CDH11: variants seen among roughly 807,000 people sequenced by gnomAD.
CDH11 encodes cadherin 11.
In CDH11, 11 loss-of-function variants were observed where a neutral mutation model predicts 67.8. That is an observed-to-expected ratio of 0.16 (90% CI 0.10 to 0.27). The LOEUF is 0.27. Among genes scored for constraint, CDH11 ranks in the 10% least tolerant of loss-of-function variants. CDH11 has a pLI of 1.00. For missense variants in CDH11, 847 were observed against 1,031.2 expected (o/e 0.82, Z 2.45); for synonymous variants, 419 against 400.0 (o/e 1.05, Z -0.57).
At chr16:64,989,022 T>A (rs1181627989) in intron 6 of CDH11, among the ~76,000 whole-genome samples, 1 of 152,182 alleles carries the variant, frequency 6.6e-6, no homozygotes, top group Non-Finnish European at 1.5e-5. Flanking sequence ...CAGGACACTG[T>A]TTTGTTTGCT....
At chr16:65,035,819 C>G (rs2073743520) in intron 2 of CDH11, among the ~76,000 whole-genome samples, 1 of 152,118 alleles carries the variant, frequency 6.6e-6, no homozygotes, top group South Asian at 2.1e-4. Context: ...ATTCAGAGAT[C>G]CGAGTGAAGA....
At chr16:64,949,395 C>T (rs1187961113) in intron 12 of CDH11, among the ~76,000 whole-genome samples, 1 of 151,218 alleles carries the variant, frequency 6.6e-6, no homozygotes, top group Admixed American at 6.6e-5. Context: ...CTTTGACCTT[C>T]CCAGGCAATG....
At position 64,945,844 on chromosome 16, in the gene CDH11, A is replaced by G. The variant is rs1596996369; in HGVS notation, c.*1759T>C. ...TGAAACAAACTTTCACAATAAAGTC[A>G]GAAAAAAACTGTAAAAATTGTCTGC... On this transcript the variant is annotated 3_prime_UTR_variant, in exon 13 of 13. Coordinates refer to ENST00000268603, the MANE Select transcript of CDH11 (RefSeq NM_001797.4). 4 of 1,053,088 alleles carry G rather than the reference A, an allele frequency of 3.8e-6. No homozygotes were observed. Among genetic ancestry groups the G allele is most frequent in the Middle Eastern group, 4.3e-4 (1 of 2,332 alleles). The allele number at this position is 1,053,088 out of a possible 1,614,324, so 65.2% of individuals were successfully genotyped here.
intron 3 of CDH11, among the ~76,000 whole-genome samples, chr16:65,000,518 C>T (rs2072892964): frequency 6.6e-6 from 1 of 152,080 alleles, no homozygotes; most frequent in African/African-American, 2.4e-5. Context: ...AAAAAGAGGC[C>T]AGGCACATTG....
chr16:65,002,034 T>C (rs781291825), intron 3 of CDH11, among the ~76,000 whole-genome samples: 5 of 152,146 alleles, frequency 3.3e-5, no homozygotes, highest in Admixed American at 3.3e-4. Flanking sequence ...AAATCAAAGG[T>C]TGTTAGGAAA....
chr16:65,097,700 A>G (rs2074923761), intron 1 of CDH11, among the ~76,000 whole-genome samples: 1 of 152,218 alleles, frequency 6.6e-6, no homozygotes, highest in African/African-American at 2.4e-5. Flanking sequence ...AGCTCTATGA[A>G]TTAGGAAACA....
intron 8 of CDH11, among the ~76,000 whole-genome samples, chr16:64,977,830 C>T (rs1170881817): frequency 6.6e-6 from 1 of 152,190 alleles, no homozygotes; most frequent in Non-Finnish European, 1.5e-5. Context: ...TGAGAACTGA[C>T]TGAAATAACT....
rs754667126 is a variant in CDH11 at position 64,973,054 on chromosome 16, AAATGAGGC to A, written c.1254-22_1254-15del. 6.2e-7 allele frequency: 1 copy of A among 1,612,312 alleles called. No homozygotes were observed. Among genetic ancestry groups the A allele is most frequent in the South Asian group, 1.1e-5 (1 of 91,000 alleles). ...TCGATGGAATACCTAAGCAGAATGCAAATGAGGCAATTAGACCAAGACATTCAGAGCAG... is the reference window on the plus strand; with the variant it reads ...TCGATGGAATACCTAAGCAGAATGCAAATTAGACCAAGACATTCAGAGCAG... On this transcript the variant is annotated splice_polypyrimidine_tract_variant and intron_variant, in intron 8 of 12. Coordinates refer to ENST00000268603, the MANE Select transcript of CDH11 (RefSeq NM_001797.4).
At chr16:64,986,191 T>C (rs1294650276) in intron 7 of CDH11, 1 of 152,192 alleles carries the variant, frequency 6.6e-6, no homozygotes, top group African/African-American at 2.4e-5. Context: ...AATTTTTCTT[T>C]TTTTTCCCCC....
intron 2 of CDH11, among the ~76,000 whole-genome samples, chr16:65,007,816 A>G (rs1451987376): frequency 6.6e-6 from 1 of 152,118 alleles, no homozygotes; most frequent in Non-Finnish European, 1.5e-5. Flanking sequence ...AATGGATGGG[A>G]TTATATCTTA....
intron 2 of CDH11, among the ~76,000 whole-genome samples, chr16:65,037,841 G>A (rs528272696): frequency 3.0e-4 from 46 of 152,138 alleles, no homozygotes; most frequent in African/African-American, 1.1e-3. Context: ...GAGAAACACA[G>A]AGCAGTCACT....
chr16:65,082,231 G>C (rs1449240835), intron 1 of CDH11, among the ~76,000 whole-genome samples: 2 of 152,156 alleles, frequency 1.3e-5, no homozygotes, highest in East Asian at 3.9e-4. Flanking sequence ...GCTGAGCTTG[G>C]TCTGCCCAGG....
intron 2 of CDH11, among the ~76,000 whole-genome samples, chr16:65,015,450 A>C (rs1301734083): frequency 6.6e-6 from 1 of 152,100 alleles, no homozygotes; most frequent in Non-Finnish European, 1.5e-5. Flanking sequence ...GAGTGAAAAA[A>C]AAAACAAAAC....
chr16:65,038,838 C>A (rs781029016), intron 2 of CDH11, among the ~76,000 whole-genome samples: 10 of 152,208 alleles, frequency 6.6e-5, no homozygotes, highest in Non-Finnish European at 1.0e-4. Flanking sequence ...TCGCTCCATT[C>A]CCTTGTTTCC....
At chr16:65,066,036 A>G (rs1361203337) in intron 1 of CDH11, among the ~76,000 whole-genome samples, 1 of 152,172 alleles carries the variant, frequency 6.6e-6, no homozygotes, top group Non-Finnish European at 1.5e-5. Context: ...GTCCTCTCTT[A>G]AGCACCACTC....
At chr16:65,086,878 C>A (rs1218095098) in intron 1 of CDH11, among the ~76,000 whole-genome samples, 1 of 152,132 alleles carries the variant, frequency 6.6e-6, no homozygotes, top group South Asian at 2.1e-4. Flanking sequence ...AGAGATTGGA[C>A]ATTATACAAA....
chr16:65,065,029 C>T lies in CDH11; in HGVS notation c.-297-11101G>A, dbSNP rs553313614. On this transcript the variant is annotated intron_variant, in intron 1 of 12. Transcript: ENST00000268603. ...CTCCAGCATCCCAGGGTCTCTGCAC[C>T]GCATTTTCATTAATATCACGGGTCA... Among the ~76,000 whole-genome samples the T allele has an allele frequency of 5.9e-5, 9 of 152,192 alleles. No homozygotes were observed. The South Asian group carries it at 1.2e-3, about 21-fold the overall frequency.
intron 2 of CDH11, among the ~76,000 whole-genome samples, chr16:65,043,428 G>T (rs1404977071): frequency 6.6e-6 from 1 of 152,188 alleles, no homozygotes; most frequent in Non-Finnish European, 1.5e-5. Context: ...AAGAGAAGAT[G>T]TGTGATGCAG....
chr16:65,025,818 C>T (rs1426386509), intron 2 of CDH11, among the ~76,000 whole-genome samples: 1 of 152,090 alleles, frequency 6.6e-6, no homozygotes, highest in African/African-American at 2.4e-5. Context: ...CTTGTTTATC[C>T]CAGAACCCAA....
Sources: gnomAD v4.1 joint callset for allele counts (sites outside exome capture counted in the v4.1 genomes callset) on GRCh38, gnomAD v4.1.1 for gene constraint, MANE v1.5 for transcripts, NCBI Gene and HGNC (gene_info 2026-07-23, HGNC 2026-07-21) for gene names.